The following IMPA1 variants were observed in gnomAD, a reference collection of about 807,000 sequenced individuals.
IMPA1 encodes D-galactose 1-phosphate phosphatase.
Under a neutral mutation model 34.9 loss-of-function variants are expected in IMPA1, and 21 were observed. The observed-to-expected ratio is 0.60, with a 90% CI of 0.43 to 0.87. The LOEUF (loss-of-function observed/expected upper bound fraction) is 0.87, where lower values mean the gene tolerates loss of function less well. Ranked by LOEUF, IMPA1 falls within the 40% of genes least tolerant of loss-of-function variation. IMPA1 has a pLI of 0.00. For synonymous variants in IMPA1, 95 were observed against 104.4 expected (o/e 0.91, Z 0.55); for missense variants, 299 against 336.4 (o/e 0.89, Z 0.87).
chr8:81,681,429 A>G, intron 2 of IMPA1, 69 bp downstream of exon 2: 1 of 863,028 alleles, frequency 1.2e-6, no homozygotes, highest in South Asian at 1.4e-5. Context: ...AAACAAAACA[A>G]GGCAACAACA....
intron 7 of IMPA1, among the ~76,000 whole-genome samples, chr8:81,664,686 T>C (rs1433378176): frequency 1.3e-5 from 2 of 151,372 alleles, no homozygotes; most frequent in African/African-American, 4.9e-5. Context: ...ATGGTACTCC[T>C]TGGAAACAAG....
intron 7 of IMPA1, among the ~76,000 whole-genome samples, chr8:81,661,313 A>G (rs910547675): frequency 3.3e-5 from 5 of 152,254 alleles, no homozygotes; most frequent in African/African-American, 1.2e-4. Context: ...ACAGAGTGTC[A>G]AAGTGTCTCT....
At chr8:81,681,620 A>C (rs750942742) in intron 1 of IMPA1, 36 bp from the exon 2 acceptor site, 1 of 1,174,014 alleles carries the variant, frequency 8.5e-7, no homozygotes, top group Non-Finnish European at 1.3e-6. Context: ...TAGAAGTCTT[A>C]ATTATAGAAT....
At chr8:81,684,114 TACACACACACACAC>T (rs1339982957) in intron 1 of IMPA1, among the ~76,000 whole-genome samples, 108 of 139,780 alleles carry the variant, frequency 7.7e-4, no homozygotes, top group Non-Finnish European at 9.4e-4. Flanking sequence ...TATATATATA[TACACACACACACAC>T]ATACACACAT....
chr8:81,686,306 CT>C lies in IMPA1; in HGVS notation c.-80del. 2.0e-6 allele frequency: 2 copies of C among 988,556 alleles called. No individual in the cohort carries two copies. The highest frequency in any genetic ancestry group is 2.4e-6 in the Non-Finnish European group (2 of 831,878). The allele number at this position is 988,556 out of a possible 1,614,324, so 61.2% of individuals were successfully genotyped here. A position where few individuals can be genotyped will look rare whatever the true frequency, so the allele number is the denominator to read the frequency against. On this transcript the variant is annotated 5_prime_UTR_variant, in exon 1 of 9. Transcript: ENST00000256108. ...GTGAACGGTGTTACCGCACTCGTCT[CT>C]TCCGGAGGTAGAGGGGCTACTCGCA... is the stretch of plus-strand genomic sequence containing the variant.
At chr8:81,670,397 G>A (rs1396427883) in intron 7 of IMPA1, among the ~76,000 whole-genome samples, 7 of 151,762 alleles carry the variant, frequency 4.6e-5, no homozygotes, top group Non-Finnish European at 7.4e-5. Context: ...AAGAAAGCAC[G>A]AAGATGAAAA....
Position 81,658,915 on chromosome 8 carries a change from G to A in IMPA1, c.*436C>T, listed in dbSNP as rs1309667824. 2 of 159,970 alleles carry A rather than the reference G, an allele frequency of 1.3e-5. No homozygotes were observed. Among genetic ancestry groups the A allele is most frequent in the African/African-American group, 4.8e-5 (2 of 41,484 alleles). 9.9% of individuals were successfully genotyped at this position (159,970 alleles called of 1,614,324 possible). On this transcript the variant is annotated 3_prime_UTR_variant, in exon 9 of 9. Transcript: ENST00000256108. The stretch of plus-strand genomic sequence containing the variant: ...CTGCAAAGAAAAAAAAGTTGGCCTA[G>A]GGTACTCAGTATATCCTTACAAATT...
At chr8:81,682,083 GAATTC>G (rs1807316655) in intron 1 of IMPA1, among the ~76,000 whole-genome samples, 1 of 151,922 alleles carries the variant, frequency 6.6e-6, no homozygotes, top group African/African-American at 2.4e-5. Flanking sequence ...CACAGAACTT[GAATTC>G]AATTCTGATT....
At chr8:81,671,790 C>T (rs1461819136) in intron 6 of IMPA1, among the ~76,000 whole-genome samples, 5 of 151,736 alleles carry the variant, frequency 3.3e-5, no homozygotes, top group Non-Finnish European at 7.4e-5. Context: ...CCAGCTACTC[C>T]GGAGGCTGAG....
At chr8:81,674,807 G>C (rs778671029) in intron 5 of IMPA1, 1 of 454,918 alleles carries the variant, frequency 2.2e-6, no homozygotes, top group South Asian at 1.6e-5. Flanking sequence ...CCTCATAATC[G>C]GGGGAAGAAC....
intron 5 of IMPA1, among the ~76,000 whole-genome samples, chr8:81,675,444 G>A (rs1204223651): frequency 1.3e-5 from 2 of 152,036 alleles, no homozygotes; most frequent in Non-Finnish European, 2.9e-5. Context: ...CTAACTTTGT[G>A]CTGAGCTGTT....
rs1807526341 is a variant in IMPA1 at position 81,686,320 on chromosome 8, G to A, written c.-93C>T. Reference sequence around the variant, plus strand: ...CGCACTCGTCTCTTCCGGAGGTAGAGGGGCTACTCGCAACAGGAAGTTCCG... The same window carrying A: ...CGCACTCGTCTCTTCCGGAGGTAGAAGGGCTACTCGCAACAGGAAGTTCCG... On this transcript the variant is annotated 5_prime_UTR_variant, in exon 1 of 9. Coordinates refer to ENST00000256108, the MANE Select transcript of IMPA1 (RefSeq NM_005536.4). 8.1e-6 allele frequency: 8 copies of A among 987,168 alleles called. No individual in the cohort carries two copies. The highest frequency in any genetic ancestry group is 9.6e-6 in the Non-Finnish European group (8 of 831,000). 61.2% of individuals were successfully genotyped at this position (987,168 alleles called of 1,614,324 possible).
At chr8:81,663,662 T>C (rs1198567995) in intron 7 of IMPA1, among the ~76,000 whole-genome samples, 1 of 152,218 alleles carries the variant, frequency 6.6e-6, no homozygotes, top group African/African-American at 2.4e-5. Flanking sequence ...GTGAAAATAT[T>C]ATGTTGTTAT....
intron 4 of IMPA1, among the ~76,000 whole-genome samples, chr8:81,676,505 G>A (rs921618767): frequency 6.6e-6 from 1 of 151,980 alleles, no homozygotes; most frequent in Admixed American, 6.6e-5. Flanking sequence ...CAACACACAG[G>A]CACACGTTCA....
In IMPA1 at chr8:81,682,526, G is replaced by A. The variant is rs1200391073; in HGVS notation, c.-24-942C>T. Among the ~76,000 whole-genome samples the A allele has an allele frequency of 2.6e-5, 4 of 152,100 alleles. No homozygotes were observed. In the East Asian group the frequency reaches 7.7e-4, roughly 29 times the overall value. ...CCCACACGCTAAATTTCTTCCTGAT[G>A]CTTTTTCTTCCTGATTAAAGCATTT... On this transcript the variant is annotated intron_variant, in intron 1 of 8. Coordinates refer to ENST00000256108, the MANE Select transcript of IMPA1 (RefSeq NM_005536.4).
chr8:81,663,046 T>C (rs904066682), intron 7 of IMPA1, among the ~76,000 whole-genome samples: 1 of 152,238 alleles, frequency 6.6e-6, no homozygotes, highest in Non-Finnish European at 1.5e-5. Flanking sequence ...AAGAATCAGC[T>C]GAATGCAAAA....
At chr8:81,677,675 G>A (rs1443407350) in intron 4 of IMPA1, among the ~76,000 whole-genome samples, 1 of 152,168 alleles carries the variant, frequency 6.6e-6, no homozygotes, top group African/African-American at 2.4e-5. Flanking sequence ...ATGTAAGAAA[G>A]TTTTTATTTT....
chr8:81,677,706 C>T (rs1332538810), intron 4 of IMPA1, among the ~76,000 whole-genome samples: 3 of 152,184 alleles, frequency 2.0e-5, no homozygotes, highest in African/African-American at 7.2e-5. Context: ...AGATACTATA[C>T]ACACTGTATT....
rs1807524791 is a variant in IMPA1 at position 81,686,290 on chromosome 8, G to A, written c.-63C>T. 8.1e-6 allele frequency: 8 copies of A among 991,378 alleles called. No homozygotes were observed. The East Asian group carries it at 7.7e-4, about 95-fold the overall frequency. 61.4% of individuals were successfully genotyped at this position (991,378 alleles called of 1,614,324 possible). ...ACGTCCGGCTAGCTCTGTGAACGGT[G>A]TTACCGCACTCGTCTCTTCCGGAGG... is the stretch of plus-strand genomic sequence containing the variant. On this transcript the variant is annotated 5_prime_UTR_variant, in exon 1 of 9. Coordinates refer to ENST00000256108, the MANE Select transcript of IMPA1 (RefSeq NM_005536.4).
Sources: allele counts gnomAD v4.1 joint callset (sites outside exome capture counted in the v4.1 genomes callset), GRCh38; gene constraint gnomAD v4.1.1; transcripts MANE v1.5; gene names NCBI Gene and HGNC (gene_info 2026-07-23, HGNC 2026-07-21).